Variants in PPP1CC observed in about 807,000 individuals in gnomAD.
PPP1CC encodes serine/threonine-protein phosphatase PP1-gamma catalytic subunit.
Under a neutral mutation model 38.4 loss-of-function variants are expected in PPP1CC, and 16 were observed. The observed-to-expected ratio is 0.42, with a 90% CI of 0.28 to 0.63. The LOEUF (loss-of-function observed/expected upper bound fraction) is 0.63, where lower values mean the gene tolerates loss of function less well. PPP1CC is among the 30% of genes least tolerant of loss of function. PPP1CC has a pLI of 0.25. For synonymous variants in PPP1CC, 158 were observed against 136.0 expected, an observed-to-expected ratio of 1.16 and a Z score of -1.13; for missense variants, 170 against 391.3, an observed-to-expected ratio of 0.43 and a Z score of 4.77.
intron 6 of PPP1CC, chr12:110,721,719 A>T: frequency 4.6e-6 from 1 of 216,996 alleles, no homozygotes; most frequent in South Asian, 1.5e-4. Flanking sequence ...CTGAAGGCCA[A>T]ATGATGTCAT....
chr12:110,730,273 T>G lies in PPP1CC; in HGVS notation c.418+256A>C, dbSNP rs1245498625. Reference sequence around the variant, plus strand: ...ACCTGGGAGGCTGAGGCAGGAGGATTGCTTGAGCCTGGGAGGCAGAGGTTG... The same window carrying G: ...ACCTGGGAGGCTGAGGCAGGAGGATGGCTTGAGCCTGGGAGGCAGAGGTTG... On this transcript the variant is annotated intron_variant, in intron 3 of 6. Transcript: ENST00000335007. Among the ~76,000 whole-genome samples, 4 of 152,348 alleles carry G rather than the reference T, an allele frequency of 2.6e-5. No individual in the cohort carries two copies. The East Asian group carries it at 7.7e-4, about 29-fold the overall frequency.
intron 3 of PPP1CC, 83 bp downstream of exon 3, chr12:110,730,446 T>C: frequency 9.0e-7 from 1 of 1,111,326 alleles, no homozygotes; most frequent in Non-Finnish European, 1.3e-6. Flanking sequence ...ACTCTCACAA[T>C]TCCTAACAGA....
chr12:110,734,379 T>G (rs2069917006), intron 1 of PPP1CC, among the ~76,000 whole-genome samples: 1 of 152,214 alleles, frequency 6.6e-6, no homozygotes, highest in South Asian at 2.1e-4. Context: ...GTTTCACTCT[T>G]GTTGCCCAGG....
At chr12:110,714,622 C>T in the PPP1CC span, among the ~76,000 whole-genome samples, 15 of 151,412 alleles carry the variant, frequency 9.9e-5, no homozygotes, top group African/African-American at 2.4e-4. Context: ...GCCTGGCCAA[C>T]GTAGTAAAAC....
Position 110,722,339 on chromosome 12 carries a change from C to T in PPP1CC, c.748-70G>A. The T allele has an allele frequency of 6.3e-7, 1 of 1,578,004 alleles. No homozygotes were observed. Among genetic ancestry groups the T allele is most frequent in the Non-Finnish European group, 8.7e-7 (1 of 1,153,166 alleles). On this transcript the variant is annotated intron_variant, in intron 5 of 6. Coordinates refer to ENST00000335007, the MANE Select transcript of PPP1CC (RefSeq NM_002710.4). This position sits in a 1 kb window ranked among gnomAD's most constrained non-coding sequence, Gnocchi z 5.4. Reference sequence around the variant, plus strand: ...GTGAGTAAAACCATGTTTCAGTTTCCCATTGAGCCTGATATCTTGTGTTCC... The same window carrying T: ...GTGAGTAAAACCATGTTTCAGTTTCTCATTGAGCCTGATATCTTGTGTTCC...
chr12:110,724,997 G>A, intron 3 of PPP1CC: 1 of 314,246 alleles, frequency 3.2e-6, no homozygotes, highest in Non-Finnish European at 6.1e-6. Flanking sequence ...GCTGAGGTAG[G>A]AGGATGGCTT....
intron 2 of PPP1CC, among the ~76,000 whole-genome samples, chr12:110,731,355 T>C (rs918966838): frequency 2.6e-5 from 4 of 152,302 alleles, no homozygotes; most frequent in Middle Eastern, 3.4e-3. Context: ...TGGTTTTACA[T>C]TGAGTTAAAA....
intron 1 of PPP1CC, among the ~76,000 whole-genome samples, chr12:110,737,115 C>T (rs545529262): frequency 3.3e-5 from 5 of 152,070 alleles, no homozygotes; most frequent in Non-Finnish European, 7.4e-5. Flanking sequence ...TAAATACTTC[C>T]AACATTAAGC....
At chr12:110,733,522 T>C (rs942335738) in intron 1 of PPP1CC, among the ~76,000 whole-genome samples, 3 of 152,236 alleles carry the variant, frequency 2.0e-5, no homozygotes, top group East Asian at 1.9e-4. Flanking sequence ...CCTTTGAACA[T>C]AGTTTATATT....
intron 1 of PPP1CC, among the ~76,000 whole-genome samples, chr12:110,742,314 A>G (rs2070026470): frequency 4.6e-5 from 7 of 152,172 alleles, no homozygotes; most frequent in Middle Eastern, 6.8e-3. Flanking sequence ...ATCCCCAACC[A>G]TCGCTCCAAA....
chr12:110,730,176 G>T (rs1487407576), intron 3 of PPP1CC, among the ~76,000 whole-genome samples: 1 of 152,220 alleles, frequency 6.6e-6, no homozygotes, highest in Non-Finnish European at 1.5e-5. Flanking sequence ...TGGGCAACAA[G>T]GTGAAACCCC....
the PPP1CC span, among the ~76,000 whole-genome samples, chr12:110,711,050 C>T: frequency 2.0e-5 from 3 of 151,824 alleles, no homozygotes; most frequent in Non-Finnish European, 4.4e-5. Context: ...GTGGCATGTG[C>T]CTGTAATCCC....
intron 1 of PPP1CC, among the ~76,000 whole-genome samples, chr12:110,739,190 C>A (rs1012612009): frequency 2.0e-5 from 3 of 152,072 alleles, no homozygotes; most frequent in African/African-American, 7.2e-5. Flanking sequence ...GCCTGTTAAT[C>A]CCAGCTACTC....
At chr12:110,714,833 A>G (rs1202768254), downstream of PPP1CC, among the ~76,000 whole-genome samples, 1 of 150,778 alleles carries the variant, frequency 6.6e-6, no homozygotes, top group African/African-American at 2.5e-5. Flanking sequence ...AAAAAAAAAA[A>G]AATTGGGAAG....
downstream of PPP1CC, among the ~76,000 whole-genome samples, chr12:110,715,173 T>C (rs1171240304): frequency 6.6e-6 from 1 of 152,098 alleles, no homozygotes; most frequent in African/African-American, 2.4e-5. Flanking sequence ...GAATACGCAC[T>C]TTTAAGTGAC....
chr12:110,729,676 A>G (rs903450191), intron 3 of PPP1CC, among the ~76,000 whole-genome samples: 6 of 152,222 alleles, frequency 3.9e-5, no homozygotes, highest in African/African-American at 1.4e-4. Context: ...AGAAGGAGAA[A>G]AACTATAATA....
At chr12:110,723,921 TAC>T (rs2069766755) in intron 4 of PPP1CC, among the ~76,000 whole-genome samples, 1 of 152,252 alleles carries the variant, frequency 6.6e-6, no homozygotes, top group South Asian at 2.1e-4. Context: ...CACAACAAAT[TAC>T]ACATTGTTCA....
At chr12:110,735,514 G>A (rs1023800963) in intron 1 of PPP1CC, among the ~76,000 whole-genome samples, 1 of 152,192 alleles carries the variant, frequency 6.6e-6, no homozygotes, top group African/African-American at 2.4e-5. Context: ...GGGCACGGTG[G>A]CTCATGCCTG....
chr12:110,735,509 C>T (rs764173731), intron 1 of PPP1CC, among the ~76,000 whole-genome samples: 3 of 152,134 alleles, frequency 2.0e-5, no homozygotes, highest in Admixed American at 6.6e-5. Flanking sequence ...AGGTTGGGCA[C>T]GGTGGCTCAT....
Sources: allele counts gnomAD v4.1 joint callset (sites outside exome capture counted in the v4.1 genomes callset), GRCh38; gene constraint gnomAD v4.1.1; non-coding constraint Gnocchi (gnomAD v3.1); transcripts MANE v1.5; gene names NCBI Gene and HGNC (gene_info 2026-07-23, HGNC 2026-07-21).